Variants in TACC2 observed in about 807,000 individuals in gnomAD.
The protein encoded by TACC2 is transforming acidic coiled-coil containing protein 2, also known as transforming acidic coiled-coil-containing protein 2.
In TACC2, 137 loss-of-function variants were observed where a neutral mutation model predicts 227.3. The ratio of observed to expected loss-of-function variants is 0.60; its 90% confidence interval spans 0.52 to 0.69. The LOEUF is 0.69. Among genes scored for constraint, TACC2 ranks in the 30% least tolerant of loss-of-function variants. The pLI, the probability that TACC2 is intolerant of heterozygous loss-of-function variation, is 0.00. For missense variants in TACC2, 3,470 were observed against 3,694.4 expected (o/e 0.94, Z 1.57); for synonymous variants, 1,523 against 1,487.5 (o/e 1.02, Z -0.55).
At chr10:122,034,790 C>T (rs1012026987) in intron 2 of TACC2, among the ~76,000 whole-genome samples, 3 of 151,750 alleles carry the variant, frequency 2.0e-5, no homozygotes, top group East Asian at 1.9e-4. Flanking sequence ...ATTAGCCGGG[C>T]GTGGTGGTGC....
chr10:122,217,563 C>T (rs1017407949), intron 11 of TACC2, among the ~76,000 whole-genome samples: 1 of 146,010 alleles, frequency 6.8e-6, no homozygotes, highest in Non-Finnish European at 1.5e-5. Context: ...CTCAGCCTTG[C>T]GAGTAGCTGA....
In TACC2 at chr10:122,252,093, C is replaced by T. The variant is rs1230220024; in HGVS notation, c.8782-1898C>T. Among the ~76,000 whole-genome samples the T allele has an allele frequency of 4.6e-5, 7 of 152,224 alleles. No homozygotes were observed. In the East Asian group the frequency reaches 7.7e-4, roughly 17 times the overall value. On this transcript the variant is annotated intron_variant, in intron 22 of 22. Transcript: ENST00000369005. ...CAGTTTGCTTAGTGGTGGCTGATGA[C>T]GCCAAGAGAGAGCTTGGAAAACCTC...
chr10:122,144,279 CAT>C lies in TACC2; in HGVS notation c.5834+574_5834+575del, dbSNP rs1014526016. 1.6e-3 allele frequency among the ~76,000 whole-genome samples: 241 copies of C among 152,240 alleles called. 1 individual carries two copies. The highest frequency in any genetic ancestry group is 5.5e-3 in the African/African-American group (229 of 41,536). On this transcript the variant is annotated intron_variant, in intron 7 of 22. Coordinates refer to ENST00000369005, the MANE Select transcript of TACC2 (RefSeq NM_206862.4). ...AATCTACTGATTTCAATATTAATCT[CAT>C]GTAAAAAATATCTCCACAGTGAAAT...
Position 122,249,661 on chromosome 10 carries a change from G to A in TACC2, c.8778G>A (p.Gln2926=). ...RVDALERTLE[Q]KNKEIEELTK... ...ACGCCCTGGAAAGGACGCTGGAGCA[G>A]AAGGTAATAGGGGAGGGGTGTGGCC... The change falls in exon 22 of 23, where the codon CAG becomes CAA. Residue 2926 remains glutamine (Q), a synonymous_variant. Transcript: ENST00000369005. 1.2e-6 allele frequency: 2 copies of A among 1,612,942 alleles called. No homozygotes were observed. The highest frequency in any genetic ancestry group is 1.7e-6 in the Non-Finnish European group (2 of 1,179,492).
intron 8 of TACC2, among the ~76,000 whole-genome samples, chr10:122,200,334 G>C (rs1372928289): frequency 2.6e-5 from 4 of 152,156 alleles, no homozygotes; most frequent in African/African-American, 9.7e-5. Flanking sequence ...ATAGAGCCAG[G>C]TGAGGAGACA....
chr10:122,095,451 G>A (rs1297956547), intron 5 of TACC2, among the ~76,000 whole-genome samples: 4 of 152,170 alleles, frequency 2.6e-5, no homozygotes, highest in African/African-American at 9.7e-5. Flanking sequence ...CTCTGTATAA[G>A]TTCCTTTCAT....
intron 7 of TACC2, among the ~76,000 whole-genome samples, chr10:122,176,956 G>C (rs904200972): frequency 6.6e-6 from 1 of 152,182 alleles, no homozygotes; most frequent in East Asian, 1.9e-4. Flanking sequence ...GGAAGAGTGA[G>C]GGGAGGAAGT....
At chr10:122,089,952 T>C (rs1362791157) in intron 5 of TACC2, among the ~76,000 whole-genome samples, 1 of 152,138 alleles carries the variant, frequency 6.6e-6, no homozygotes, top group Admixed American at 6.5e-5. Flanking sequence ...TGACTTAGGA[T>C]ACAATTTCCT....
At chr10:122,159,643 G>A (rs2092700247) in intron 7 of TACC2, among the ~76,000 whole-genome samples, 1 of 152,176 alleles carries the variant, frequency 6.6e-6, no homozygotes, top group South Asian at 2.1e-4. Context: ...TTGGCTCCCT[G>A]AAGAGAAGTC....
At chr10:122,129,319 A>G (rs1263350736) in intron 5 of TACC2, among the ~76,000 whole-genome samples, 2 of 152,014 alleles carry the variant, frequency 1.3e-5, no homozygotes, top group East Asian at 1.9e-4. Flanking sequence ...CGGCCTCCCA[A>G]GGTGCTGGGA....
At chr10:122,145,561 T>C (rs1204207014) in intron 7 of TACC2, among the ~76,000 whole-genome samples, 1 of 152,174 alleles carries the variant, frequency 6.6e-6, no homozygotes, top group Non-Finnish European at 1.5e-5. Flanking sequence ...TGGGGGGTGA[T>C]GGAAATGTTC....
intron 14 of TACC2, among the ~76,000 whole-genome samples, chr10:122,229,033 G>T (rs2095682012): frequency 6.6e-6 from 1 of 152,076 alleles, no homozygotes; most frequent in South Asian, 2.1e-4. Context: ...AAACCCACCA[G>T]CTAACTGGCC....
intron 3 of TACC2, among the ~76,000 whole-genome samples, chr10:122,077,849 A>G (rs1039047598): frequency 1.3e-5 from 2 of 152,056 alleles, no homozygotes; most frequent in Non-Finnish European, 2.9e-5. Context: ...TGTGTGTACA[A>G]TGGGGCCACC....
Position 122,083,150 on chromosome 10 carries a change from G to C in TACC2, c.650G>C (p.Gly217Ala), listed in dbSNP as rs749906694. 2.5e-6 allele frequency: 4 copies of C among 1,613,124 alleles called. No individual in the cohort carries two copies. In the African/African-American group the frequency reaches 5.3e-5, roughly 22 times the overall value. Residue 217 changes from glycine to alanine, a missense_variant, in exon 4 of 23, where the codon GGG (glycine) becomes GCG (alanine). This residue lies in a region of TACC2 where 405 missense variants were observed against 389.6 expected (regional missense o/e 1.04). Coordinates refer to ENST00000369005, the MANE Select transcript of TACC2 (RefSeq NM_206862.4). Reference protein sequence around the residue: ...EPMKAPLCGEGDQPGGFESQE... With the variant: ...EPMKAPLCGEADQPGGFESQE... ...ATGAAGGCACCGCTGTGTGGAGAGG[G>C]GGACCAGCCTGGTGGTTTTGAGTCC...
chr10:122,223,297 A>T (rs551732287), intron 11 of TACC2, among the ~76,000 whole-genome samples: 2 of 152,104 alleles, frequency 1.3e-5, no homozygotes, highest in Admixed American at 6.6e-5. Context: ...CAGCTTCCCA[A>T]AGTGCTGGGA....
chr10:122,226,292 T>C (rs1410370221), intron 12 of TACC2, 74 bp from the exon 13 acceptor site: 4 of 943,558 alleles, frequency 4.2e-6, no homozygotes, highest in Non-Finnish European at 6.8e-6. Context: ...TGTTGAAGAG[T>C]GCTCCAGTTT....
At chr10:122,183,237 CAG>C (rs931130931) in intron 7 of TACC2, among the ~76,000 whole-genome samples, 24 of 151,590 alleles carry the variant, frequency 1.6e-4, no homozygotes, top group Admixed American at 3.9e-4. Context: ...AAAAAAACAA[CAG>C]GGGGTGGGGG....
chr10:122,211,358 T>C lies in TACC2; in HGVS notation c.6933T>C (p.Leu2311=). ...RPKMKKTPEK[L]DNTPASPPRS... Reference sequence around the variant, plus strand: ...AGATGAAAAAGACACCCGAGAAACTTGACAACACTCCTGCCTCACCTCCCA... The same window carrying C: ...AGATGAAAAAGACACCCGAGAAACTCGACAACACTCCTGCCTCACCTCCCA... The change falls in exon 9 of 23, where the codon CTT becomes CTC. Residue 2311 remains leucine (L), a synonymous_variant. Coordinates refer to ENST00000369005, the MANE Select transcript of TACC2 (RefSeq NM_206862.4). 1.2e-6 allele frequency: 2 copies of C among 1,613,412 alleles called. No individual in the cohort carries two copies. Among genetic ancestry groups the C allele is most frequent in the Non-Finnish European group, 1.7e-6 (2 of 1,179,810 alleles).
intron 15 of TACC2, 100 bp from the exon 16 acceptor site, chr10:122,230,251 A>G (rs2095710665): frequency 2.0e-6 from 2 of 981,334 alleles, no homozygotes; most frequent in South Asian, 1.3e-5. Context: ...AGTGCCTGTC[A>G]TGACACATTT....
Sources: allele counts gnomAD v4.1 joint callset (sites outside exome capture counted in the v4.1 genomes callset), GRCh38; gene constraint gnomAD v4.1.1; regional missense constraint gnomAD v4.1.1; transcripts MANE v1.5; gene names NCBI Gene and HGNC (gene_info 2026-07-23, HGNC 2026-07-21).